The following USP8 variants were observed in gnomAD, a reference collection of about 807,000 sequenced individuals.
USP8 encodes ubiquitin carboxyl-terminal hydrolase 8.
USP8 carries 27 observed loss-of-function variants against 130.0 expected under a neutral mutation model. The ratio of observed to expected loss-of-function variants is 0.21; its 90% CI spans 0.15 to 0.29. USP8 has a LOEUF of 0.29. Ranked by LOEUF, USP8 falls within the 10% of genes least tolerant of loss-of-function variation. The pLI is 1.00. For missense variants in USP8, 1,029 were observed against 1,312.2 expected (o/e 0.78, Z 3.33); for synonymous variants, 392 against 444.1 (o/e 0.88, Z 1.48).
intron 12 of USP8, 72 bp from the exon 13 acceptor site, chr15:50,489,729 T>C: frequency 3.6e-6 from 4 of 1,109,520 alleles, no homozygotes; most frequent in South Asian, 4.0e-5. Context: ...AGTTTTTATA[T>C]GACAAAATTT....
chr15:50,459,790 C>T (rs2050920399), intron 5 of USP8, among the ~76,000 whole-genome samples: 1 of 152,020 alleles, frequency 6.6e-6, no homozygotes, highest in African/African-American at 2.4e-5. Context: ...CTTTTTTAAC[C>T]ACTCTGGGAC....
intron 3 of USP8, chr15:50,444,561 C>T (rs2050365646): frequency 6.6e-6 from 1 of 151,378 alleles, no homozygotes; most frequent in Non-Finnish European, 1.5e-5. Context: ...TGAGATTTTT[C>T]CATTTCCAGA....
intron 3 of USP8, 25 bp downstream of exon 3, chr15:50,441,518 T>C (rs1438388962): frequency 1.3e-6 from 2 of 1,529,742 alleles, no homozygotes; most frequent in Non-Finnish European, 1.7e-6. Context: ...TGCATTGTTA[T>C]TTCCTAAGTT....
intron 5 of USP8, among the ~76,000 whole-genome samples, chr15:50,460,835 C>T (rs544308684): frequency 1.3e-5 from 2 of 152,108 alleles, no homozygotes; most frequent in East Asian, 3.9e-4. Context: ...AGTTATCATT[C>T]TGTGTGGATC....
chr15:50,497,635 G>C (rs986902966), intron 18 of USP8: 1 of 152,476 alleles, frequency 6.6e-6, no homozygotes, highest in Admixed American at 6.5e-5. Flanking sequence ...ATATGTTAAC[G>C]ATACCATTAA....
rs528184744 is a variant in USP8, at chr15:50,507,244, C to A, written c.*8156C>A. The A allele has an allele frequency of 1.3e-5, 2 of 152,710 alleles. No homozygotes were observed. Among genetic ancestry groups the A allele is most frequent in the African/African-American group, 2.4e-5 (1 of 41,454 alleles). The allele number at this position is 152,710 out of a possible 1,614,324, so 9.5% of individuals were successfully genotyped here. Reference sequence around the variant, plus strand: ...GTTGCAGTGAGCCAAGATCATGCCACTGCACTCCAGCCTGGGGCACAGAGT... The same window carrying A: ...GTTGCAGTGAGCCAAGATCATGCCAATGCACTCCAGCCTGGGGCACAGAGT... On this transcript the variant is annotated 3_prime_UTR_variant, in exon 20 of 20. Coordinates refer to ENST00000307179, the MANE Select transcript of USP8 (RefSeq NM_005154.5).
intron 15 of USP8, 118 bp downstream of exon 15, chr15:50,493,031 G>A (rs1031553971): frequency 2.8e-6 from 3 of 1,062,642 alleles, no homozygotes; most frequent in Non-Finnish European, 4.3e-6. Context: ...TAGATAATTT[G>A]TAAAGAACAA....
intron 16 of USP8, 57 bp from the exon 17 acceptor site, chr15:50,495,791 C>G (rs1350845871): frequency 1.5e-6 from 2 of 1,363,832 alleles, no homozygotes; most frequent in Non-Finnish European, 2.0e-6. Flanking sequence ...TTTATTCTTT[C>G]AATTTAAATG....
chr15:50,451,437 T>C (rs946692748), intron 4 of USP8, among the ~76,000 whole-genome samples: 2 of 152,150 alleles, frequency 1.3e-5, no homozygotes, highest in African/African-American at 4.8e-5. Context: ...TCTCAACTTA[T>C]AAAGGAAGTC....
chr15:50,490,353 G>C lies in USP8; in HGVS notation c.2062G>C (p.Ala688Pro), dbSNP rs2141317499. The C allele has an allele frequency of 6.2e-7, 1 of 1,613,074 alleles. No individual in the cohort carries two copies. The highest frequency in any genetic ancestry group is 8.5e-7 in the Non-Finnish European group (1 of 1,179,888). Residue 688 changes from alanine (A) to proline (P), a missense_variant, in exon 14 of 20, where the codon GCA (alanine) becomes CCA (proline). Coordinates refer to ENST00000307179, the MANE Select transcript of USP8 (RefSeq NM_005154.5). ...MYPPEMAPSS[A>P]PPSTPPTHKA... Reference sequence around the variant, plus strand: ...CCCACCGGAAATGGCTCCTTCATCTGCACCTCCTTCCACCCCTCCAACTCA... The same window carrying C: ...CCCACCGGAAATGGCTCCTTCATCTCCACCTCCTTCCACCCCTCCAACTCA...
chr15:50,474,339 C>T (rs1259627056), intron 8 of USP8, among the ~76,000 whole-genome samples: 1 of 152,126 alleles, frequency 6.6e-6, no homozygotes, highest in Admixed American at 6.6e-5. Flanking sequence ...GCACTGAATG[C>T]TGGTGAGCAT....
chr15:50,441,229 C>A, intron 2 of USP8, 120 bp from the exon 3 acceptor site: 1 of 965,548 alleles, frequency 1.0e-6, no homozygotes, highest in Non-Finnish European at 1.4e-6. Flanking sequence ...TGAACCAGTA[C>A]CAATCTGTGG....
At position 50,481,748 on chromosome 15, in the gene USP8, A is replaced by G. The variant is rs1343517658; in HGVS notation, c.1486A>G (p.Lys496Glu). 1 of 1,596,986 alleles carries G rather than the reference A, an allele frequency of 6.3e-7. No individual in the cohort carries two copies. Among genetic ancestry groups the G allele is most frequent in the Non-Finnish European group, 8.5e-7 (1 of 1,173,384 alleles). ...QQEEQKEKLR[K>E]EEQEQKAKKK... is the part of the protein sequence containing the mutation. ...AGAGGAACAGAAAGAGAAACTGAGG[A>G]AGGAAGAACAAGAACAAAAAGCCAA... Residue 496 changes from lysine to glutamate, a missense_variant, in exon 11 of 20, where the codon AAG becomes GAG. Lys to Glu is a moderately conservative substitution (Grantham distance 56, BLOSUM62 1). Around this residue, in one of 4 missense-constraint regions of USP8, gnomAD observed 486 missense variants for 522.0 expected, o/e 0.93. Coordinates refer to ENST00000307179, the MANE Select transcript of USP8 (RefSeq NM_005154.5).
At chr15:50,496,768 T>G in intron 17 of USP8, 1 of 194,878 alleles carries the variant, frequency 5.1e-6, no homozygotes, top group Non-Finnish European at 1.0e-5. Context: ...GTTTCTTATA[T>G]AAAAGCTTGT....
In USP8 at chr15:50,501,849, A is replaced by G. The variant is rs942142724; in HGVS notation, c.*2761A>G. The G allele has an allele frequency of 6.6e-6, 1 of 152,160 alleles. No homozygotes were observed. Among genetic ancestry groups the G allele is most frequent in the Non-Finnish European group, 1.5e-5 (1 of 68,030 alleles). 9.4% of individuals were successfully genotyped at this position (152,160 alleles called of 1,614,324 possible). A position where few individuals can be genotyped will look rare whatever the true frequency, so the allele number is the denominator to read the frequency against. On this transcript the variant is annotated 3_prime_UTR_variant, in exon 20 of 20. Transcript: ENST00000307179. ...TTTAAATTTTTATATGGTTGGGGAA[A>G]AGATCCAAGTAATAATAGTATTGTT...
At chr15:50,464,573 G>A (rs962263988) in intron 6 of USP8, among the ~76,000 whole-genome samples, 1 of 152,170 alleles carries the variant, frequency 6.6e-6, no homozygotes, top group Admixed American at 6.6e-5. Flanking sequence ...AAAAACACAA[G>A]GTCAGGTATG....
chr15:50,492,957 G>A (rs1215930141), intron 15 of USP8, 44 bp downstream of exon 15: 2 of 1,536,528 alleles, frequency 1.3e-6, no homozygotes, highest in East Asian at 4.5e-5. Flanking sequence ...CTAAAAGGAT[G>A]ATCTAACCAT....
At chr15:50,435,445 C>T (rs2050066650) in intron 1 of USP8, among the ~76,000 whole-genome samples, 1 of 152,030 alleles carries the variant, frequency 6.6e-6, no homozygotes, top group Non-Finnish European at 1.5e-5. Flanking sequence ...AATCTTACAC[C>T]ATTTTATATC....
chr15:50,479,056 A>C lies in USP8; in HGVS notation c.1218+1557A>C, dbSNP rs566057205. ...GTGAGAGTGAGACTCTGTCTCAAAA[A>C]AAAATAAAAATAAAAATAAGACAGC... is the stretch of plus-strand genomic sequence containing the variant. On this transcript the variant is annotated intron_variant, in intron 10 of 19. Coordinates refer to ENST00000307179, the MANE Select transcript of USP8 (RefSeq NM_005154.5). Among the ~76,000 whole-genome samples, 65 of 152,154 alleles carry C rather than the reference A, an allele frequency of 4.3e-4. 1 individual carries two copies. In the South Asian group the frequency reaches 0.012, roughly 29 times the overall value.
Sources: gnomAD v4.1 joint callset for allele counts (sites outside exome capture counted in the v4.1 genomes callset) on GRCh38, gnomAD v4.1.1 for gene constraint, gnomAD v4.1.1 regional missense constraint, MANE v1.5 for transcripts, NCBI Gene and HGNC (gene_info 2026-07-23, HGNC 2026-07-21) for gene names.